KHDRBS2: variants seen among roughly 807,000 people sequenced by gnomAD.
The protein encoded by KHDRBS2 is KH domain-containing, RNA-binding, signal transduction-associated protein 2.
In KHDRBS2, 26 loss-of-function variants were observed where a neutral mutation model predicts 44.3. That is an observed-to-expected ratio of 0.59 (90% CI 0.43 to 0.81). The LOEUF (loss-of-function observed/expected upper bound fraction) is 0.81. KHDRBS2 is among the 40% of genes least tolerant of loss of function. KHDRBS2 has a pLI of 0.00. For missense variants in KHDRBS2, 476 were observed against 433.1 expected, an observed-to-expected ratio of 1.10 and a Z score of -0.88; for synonymous variants, 194 against 151.1, an observed-to-expected ratio of 1.28 and a Z score of -2.08.
the KHDRBS2 span, among the ~76,000 whole-genome samples, chr6:61,601,953 C>T: frequency 2.1e-4 from 32 of 152,184 alleles, no homozygotes; most frequent in East Asian, 4.1e-3. Context: ...TTTCTTTATC[C>T]GACCTCTCCC....
chr6:61,717,404 T>C (rs146488888), intron 7 of KHDRBS2, among the ~76,000 whole-genome samples: 62 of 152,124 alleles, frequency 4.1e-4, no homozygotes, highest in South Asian at 3.5e-3. Context: ...CCTGTGATGG[T>C]AAATTCAAAC....
At chr6:61,978,983 A>G (rs1773297207) in intron 3 of KHDRBS2, among the ~76,000 whole-genome samples, 1 of 152,028 alleles carries the variant, frequency 6.6e-6, no homozygotes, top group Non-Finnish European at 1.5e-5. Context: ...ATACATTTCT[A>G]TTGGAAGAGA....
At chr6:62,128,930 T>G (rs932899876) in intron 2 of KHDRBS2, among the ~76,000 whole-genome samples, 4 of 152,048 alleles carry the variant, frequency 2.6e-5, no homozygotes, top group African/African-American at 9.7e-5. Context: ...ATAATTCCTA[T>G]GCAGTAACAT....
rs1780984703 is a variant in KHDRBS2, at chr6:61,771,907, C to T, written c.811-39143G>A. Among the ~76,000 whole-genome samples, 2 of 152,152 alleles carry T rather than the reference C, an allele frequency of 1.3e-5. 1 individual carries two copies. The highest frequency in any genetic ancestry group is 4.1e-4 in the South Asian group (2 of 4,830). On this transcript the variant is annotated intron_variant, in intron 6 of 8. Transcript: ENST00000281156. ...ACATTCTTTTCAGCACCACACCACA[C>T]CTACTCCAAAATTGACCACATAGTG...
the KHDRBS2 span, among the ~76,000 whole-genome samples, chr6:61,560,456 G>T: frequency 6.6e-6 from 1 of 151,722 alleles, no homozygotes; most frequent in Non-Finnish European, 1.5e-5. Flanking sequence ...CTCCTTTGAG[G>T]CTATTTTCTA....
intron 2 of KHDRBS2, among the ~76,000 whole-genome samples, chr6:62,104,851 CAGT>C (rs1462801933): frequency 6.6e-6 from 1 of 151,784 alleles, no homozygotes; most frequent in African/African-American, 2.4e-5. Flanking sequence ...ATTAACACAA[CAGT>C]AGTTCTTAGA....
intron 8 of KHDRBS2, among the ~76,000 whole-genome samples, chr6:61,687,113 A>G (rs1396825861): frequency 6.6e-6 from 1 of 151,728 alleles, no homozygotes; most frequent in Non-Finnish European, 1.5e-5. Flanking sequence ...ATAGTTTATT[A>G]TTTTAAGATG....
chr6:62,077,433 A>G (rs1307381014), intron 2 of KHDRBS2, among the ~76,000 whole-genome samples: 1 of 152,014 alleles, frequency 6.6e-6, no homozygotes, highest in Non-Finnish European at 1.5e-5. Context: ...CCTTCAGGCT[A>G]GCCAATACTC....
intron 3 of KHDRBS2, among the ~76,000 whole-genome samples, chr6:62,023,078 C>T (rs61581388): frequency 4.9e-4 from 74 of 151,658 alleles, no homozygotes; most frequent in African/African-American, 1.6e-3. Context: ...AAAGAAAAAA[C>T]GCAATACCTT....
chr6:61,624,802 C>A, the KHDRBS2 span, among the ~76,000 whole-genome samples: 41 of 152,070 alleles, frequency 2.7e-4, no homozygotes, highest in African/African-American at 9.6e-4. Flanking sequence ...CTATATGGAC[C>A]CAAGAACCAA....
At chr6:62,044,637 C>T (rs1185302187) in intron 3 of KHDRBS2, among the ~76,000 whole-genome samples, 1 of 152,006 alleles carries the variant, frequency 6.6e-6, no homozygotes, top group Non-Finnish European at 1.5e-5. Flanking sequence ...ATATATCCTG[C>T]AAAGTCACCT....
At chr6:62,284,739 A>AGGTATT (rs1296017533) in intron 1 of KHDRBS2, among the ~76,000 whole-genome samples, 2 of 152,180 alleles carry the variant, frequency 1.3e-5, no homozygotes, top group East Asian at 3.8e-4. Flanking sequence ...TTCATTGTTA[A>AGGTATT]TATAAATAAC....
chr6:62,248,873 T>C (rs555095408), intron 1 of KHDRBS2, among the ~76,000 whole-genome samples: 2 of 152,164 alleles, frequency 1.3e-5, no homozygotes, highest in South Asian at 2.1e-4. Context: ...CAAACATAGA[T>C]AGTAAAAACT....
intron 6 of KHDRBS2, among the ~76,000 whole-genome samples, chr6:61,783,523 A>C (rs1178540997): frequency 6.6e-6 from 1 of 152,136 alleles, no homozygotes; most frequent in East Asian, 1.9e-4. Context: ...CAAAAGAAGT[A>C]AGATAAAAAA....
At chr6:62,086,225 T>G (rs1364509391) in intron 2 of KHDRBS2, among the ~76,000 whole-genome samples, 2 of 152,048 alleles carry the variant, frequency 1.3e-5, no homozygotes, top group African/African-American at 2.4e-5. Flanking sequence ...AGGAATTGTT[T>G]TGAAAAAGGA....
intron 6 of KHDRBS2, among the ~76,000 whole-genome samples, chr6:61,862,860 T>C (rs1298298692): frequency 6.6e-6 from 1 of 152,112 alleles, no homozygotes; most frequent in Non-Finnish European, 1.5e-5. Context: ...GAATCTCTCT[T>C]CTTCAATTTT....
chr6:61,597,397 C>T, the KHDRBS2 span, among the ~76,000 whole-genome samples: 26 of 152,040 alleles, frequency 1.7e-4, no homozygotes, highest in African/African-American at 6.3e-4. Context: ...ACTCCTGACC[C>T]CTAGGGCTCT....
At chr6:61,968,934 C>T (rs771626369) in intron 4 of KHDRBS2, among the ~76,000 whole-genome samples, 26 of 151,552 alleles carry the variant, frequency 1.7e-4, no homozygotes, top group Admixed American at 1.3e-3. Context: ...AGAGGATTGA[C>T]AAAAATAAAA....
intron 2 of KHDRBS2, 139 bp from the exon 3 acceptor site, chr6:62,048,133 C>CACAT: frequency 1.7e-6 from 1 of 589,874 alleles, no homozygotes; most frequent in Non-Finnish European, 3.0e-6. Flanking sequence ...CACACACACA[C>CACAT]ACACACACAC....
Sources: gnomAD v4.1 joint callset for allele counts (sites outside exome capture counted in the v4.1 genomes callset) on GRCh38, gnomAD v4.1.1 for gene constraint, MANE v1.5 for transcripts, NCBI Gene and HGNC (gene_info 2026-07-23, HGNC 2026-07-21) for gene names.